BMPR1B: variants seen among roughly 807,000 people sequenced by gnomAD.
BMPR1B encodes bone morphogenetic protein receptor type 1B, also known as bone morphogenetic protein receptor type-1B.
Under a neutral mutation model 59.1 loss-of-function variants are expected in BMPR1B, and 12 were observed. That is an observed-to-expected ratio of 0.20 (90% CI 0.13 to 0.33). The LOEUF (loss-of-function observed/expected upper bound fraction) is 0.33, where lower values mean the gene tolerates loss of function less well. Among genes scored for constraint, BMPR1B ranks in the 10% least tolerant of loss-of-function variants. The probability of loss-of-function intolerance (pLI) is 1.00; values close to 1 mark genes in which losing one functional copy is unlikely to be tolerated. For synonymous variants in BMPR1B, 237 were observed against 207.3 expected, an observed-to-expected ratio of 1.14 and a Z score of -1.23; for missense variants, 550 against 610.9, an observed-to-expected ratio of 0.90 and a Z score of 1.05.
intron 6 of BMPR1B, among the ~76,000 whole-genome samples, chr4:95,120,527 A>G (rs967970677): frequency 6.6e-6 from 1 of 152,138 alleles, no homozygotes; most frequent in Non-Finnish European, 1.5e-5. Flanking sequence ...GACTCCATCA[A>G]AAGACTACTA....
intron 1 of BMPR1B, among the ~76,000 whole-genome samples, chr4:94,795,333 C>T (rs1012540229): frequency 7.3e-5 from 11 of 150,730 alleles, no homozygotes; most frequent in Middle Eastern, 3.4e-3. Flanking sequence ...TATTGATTTG[C>T]GTATATTGAA....
chr4:95,121,237 T>G (rs756343300), intron 6 of BMPR1B, among the ~76,000 whole-genome samples: 1 of 152,186 alleles, frequency 6.6e-6, no homozygotes, highest in Non-Finnish European at 1.5e-5. Context: ...GTAAAAGACC[T>G]CTACAAGGAG....
intron 2 of BMPR1B, among the ~76,000 whole-genome samples, chr4:94,903,314 C>T (rs564824798): frequency 1.3e-3 from 192 of 151,916 alleles, no homozygotes; most frequent in Admixed American, 2.4e-3. Flanking sequence ...GTTTAGTATT[C>T]GATCAGACAG....
At chr4:94,956,223 C>CT (rs935734004) in intron 2 of BMPR1B, among the ~76,000 whole-genome samples, 16 of 151,696 alleles carry the variant, frequency 1.1e-4, no homozygotes, top group African/African-American at 2.9e-4. Context: ...CTGTTTGTTT[C>CT]TTTTTTTTAA....
chr4:95,077,383 C>T (rs1235562148), intron 3 of BMPR1B, among the ~76,000 whole-genome samples: 1 of 151,976 alleles, frequency 6.6e-6, no homozygotes, highest in Non-Finnish European at 1.5e-5. Flanking sequence ...TGCCAGGCTC[C>T]GTTAAGAGTT....
chr4:94,914,206 G>A (rs76685012), intron 2 of BMPR1B, among the ~76,000 whole-genome samples: 2,792 of 152,204 alleles, frequency 0.018, 51 homozygotes, highest in East Asian at 0.092. Context: ...AAAATGTTGT[G>A]CAGCTAGGTG....
chr4:94,775,405 A>G (rs113285783), intron 1 of BMPR1B, among the ~76,000 whole-genome samples: 4 of 152,330 alleles, frequency 2.6e-5, no homozygotes, highest in African/African-American at 7.2e-5. Flanking sequence ...TGATCGCAAA[A>G]TGTTCGTATT....
chr4:94,804,408 C>A (rs1398527577), intron 1 of BMPR1B, among the ~76,000 whole-genome samples: 1 of 152,012 alleles, frequency 6.6e-6, no homozygotes, highest in Non-Finnish European at 1.5e-5. Flanking sequence ...TCTGTTAAAT[C>A]TTGACTGTGA....
chr4:95,100,287 A>G (rs2149260732), intron 3 of BMPR1B, among the ~76,000 whole-genome samples: 1 of 152,254 alleles, frequency 6.6e-6, no homozygotes, highest in East Asian at 1.9e-4. Context: ...AGAAAATATT[A>G]AAATGCTTTT....
At chr4:94,863,938 T>A (rs1726101683) in intron 1 of BMPR1B, among the ~76,000 whole-genome samples, 1 of 152,216 alleles carries the variant, frequency 6.6e-6, no homozygotes, top group African/African-American at 2.4e-5. Context: ...TACACAATAA[T>A]GTGTGATTGT....
chr4:94,771,155 A>G (rs1191471883), intron 1 of BMPR1B, among the ~76,000 whole-genome samples: 1 of 152,178 alleles, frequency 6.6e-6, no homozygotes, highest in Non-Finnish European at 1.5e-5. Context: ...ACAAACCCCG[A>G]GAGGCTACGG....
intron 2 of BMPR1B, among the ~76,000 whole-genome samples, chr4:94,916,562 A>G (rs890109960): frequency 2.0e-5 from 3 of 152,236 alleles, no homozygotes; most frequent in African/African-American, 7.2e-5. Flanking sequence ...CAAAGTGTTC[A>G]CCATGTGGCC....
At chr4:95,004,169 ACAT>A (rs892962305) in intron 3 of BMPR1B, among the ~76,000 whole-genome samples, 3 of 152,172 alleles carry the variant, frequency 2.0e-5, no homozygotes, top group Admixed American at 6.5e-5. Flanking sequence ...TTATAAAAAG[ACAT>A]CATTTGAAAT....
At chr4:94,944,520 G>T (rs542967675) in intron 2 of BMPR1B, among the ~76,000 whole-genome samples, 2 of 152,244 alleles carry the variant, frequency 1.3e-5, no homozygotes, top group South Asian at 4.1e-4. Flanking sequence ...CATGCTTACT[G>T]TGTAGACATG....
intron 1 of BMPR1B, among the ~76,000 whole-genome samples, chr4:94,847,731 A>G (rs1274516107): frequency 6.6e-6 from 1 of 151,006 alleles, no homozygotes; most frequent in Admixed American, 6.6e-5. Flanking sequence ...GGGAGCTAAA[A>G]TTTAAACAAC....
intron 3 of BMPR1B, among the ~76,000 whole-genome samples, chr4:95,010,213 C>A (rs1723121849): frequency 6.6e-6 from 1 of 152,112 alleles, no homozygotes; most frequent in African/African-American, 2.4e-5. Flanking sequence ...TAATCTCAGA[C>A]CCCCCAAATT....
At chr4:95,041,504 C>T (rs1725649449) in intron 3 of BMPR1B, among the ~76,000 whole-genome samples, 1 of 152,120 alleles carries the variant, frequency 6.6e-6, no homozygotes, top group South Asian at 2.1e-4. Context: ...TTTAGAATAT[C>T]TGACCCTCCT....
intron 1 of BMPR1B, among the ~76,000 whole-genome samples, chr4:94,869,299 CT>C (rs1470347859): frequency 6.6e-6 from 1 of 152,146 alleles, no homozygotes; most frequent in African/African-American, 2.4e-5. Flanking sequence ...ACACTTTACA[CT>C]TCTTTTTCTT....
intron 2 of BMPR1B, among the ~76,000 whole-genome samples, chr4:94,924,132 A>G (rs1229404815): frequency 6.6e-6 from 1 of 152,262 alleles, no homozygotes; most frequent in East Asian, 1.9e-4. Context: ...TTACCCGTAT[A>G]TGGCAACTAT....
Sources: allele counts gnomAD v4.1 joint callset (sites outside exome capture counted in the v4.1 genomes callset), GRCh38; gene constraint gnomAD v4.1.1; transcripts MANE v1.5; gene names NCBI Gene and HGNC (gene_info 2026-07-23, HGNC 2026-07-21).